The following PDGFRA variants were observed in gnomAD, a reference collection of about 807,000 sequenced individuals.
PDGFRA encodes platelet derived growth factor receptor alpha, also known as platelet-derived growth factor receptor alpha.
A neutral mutation model predicts 121.5 loss-of-function variants in PDGFRA; 25 were observed. The ratio of observed to expected loss-of-function variants is 0.21; its 90% CI spans 0.15 to 0.29. The LOEUF (loss-of-function observed/expected upper bound fraction) is 0.29. Among genes scored for constraint, PDGFRA ranks in the 10% least tolerant of loss-of-function variants. The probability of loss-of-function intolerance (pLI) is 1.00; values close to 1 mark genes in which losing one functional copy is unlikely to be tolerated. For missense variants in PDGFRA, 1,008 were observed against 1,345.1 expected (o/e 0.75, Z 3.92); for synonymous variants, 463 against 494.8 (o/e 0.94, Z 0.85).
rs185650699 is a variant in PDGFRA, at chr4:54,244,680, C to T, written c.-12-14077C>T. Among the ~76,000 whole-genome samples the T allele has an allele frequency of 1.0e-3, 155 of 152,350 alleles. 1 individual carries two copies. Among genetic ancestry groups the T allele is most frequent in the Non-Finnish European group, 1.6e-3 (108 of 68,042 alleles). ...GAGCGCCTCTCCTCCTCCAGAGGAACGCAGCTCCTCACCAGCAATGGAACA... is the reference window on the plus strand; with the variant it reads ...GAGCGCCTCTCCTCCTCCAGAGGAATGCAGCTCCTCACCAGCAATGGAACA... On this transcript the variant is annotated intron_variant, in intron 1 of 22. Transcript: ENST00000257290.
intron 1 of PDGFRA, among the ~76,000 whole-genome samples, chr4:54,233,545 C>A (rs1335001934): frequency 3.3e-5 from 5 of 152,232 alleles, no homozygotes; most frequent in Admixed American, 2.0e-4. Flanking sequence ...TGGAGCGCAG[C>A]GCTGGAACCC....
chr4:54,268,172 C>A (rs28528897), intron 7 of PDGFRA, among the ~76,000 whole-genome samples: 2 of 152,102 alleles, frequency 1.3e-5, no homozygotes, highest in African/African-American at 4.8e-5. Context: ...ATCTGGAACC[C>A]ATTTGCCCTA....
At chr4:54,264,851 AC>A (rs1722943673) in intron 4 of PDGFRA, 67 bp from the exon 5 acceptor site, 14 of 1,387,624 alleles carry the variant, frequency 1.0e-5, no homozygotes, top group African/African-American at 3.0e-5. Context: ...AAAAAAAAAA[AC>A]CCAAACTTTA....
chr4:54,229,666 T>C (rs541259546), intron 1 of PDGFRA, among the ~76,000 whole-genome samples: 1 of 152,278 alleles, frequency 6.6e-6, no homozygotes, highest in African/African-American at 2.4e-5. Flanking sequence ...GACCTATTTT[T>C]AAAAACAATG....
At position 54,290,430 on chromosome 4, in the gene PDGFRA, C is replaced by T; in HGVS notation, c.2998C>T (p.Leu1000=). ...GVTYKNEEDK[L]KDWEGGLDEQ... ...CACCTACAAAAACGAGGAAGACAAG[C>T]TGAAGGACTGGGAGGGTGGTCTGGA... Residue 1000 remains leucine (L), a synonymous_variant, in exon 22 of 23, where the codon CTG becomes TTG. Coordinates refer to ENST00000257290, the MANE Select transcript of PDGFRA (RefSeq NM_006206.6). 1 of 1,614,086 alleles carries T rather than the reference C, an allele frequency of 6.2e-7. No homozygotes were observed. Among genetic ancestry groups the T allele is most frequent in the Non-Finnish European group, 8.5e-7 (1 of 1,179,922 alleles).
In PDGFRA at chr4:54,277,583, A is replaced by G. The variant is rs180982545; in HGVS notation, c.1891+91A>G. On this transcript the variant is annotated intron_variant, in intron 13 of 22. Coordinates refer to ENST00000257290, the MANE Select transcript of PDGFRA (RefSeq NM_006206.6). ...ATTTCTCAAAATCATGCAGCTAGTA[A>G]ATAAGACATTTAGGACTAGGTCCTG... is the stretch of plus-strand genomic sequence containing the variant. The G allele has an allele frequency of 1.0e-4, 87 of 861,704 alleles. 1 individual carries two copies. In the East Asian group the frequency reaches 1.9e-3, roughly 19 times the overall value. The allele number at this position is 861,704 out of a possible 1,614,324, so 53.4% of individuals were successfully genotyped here.
chr4:54,236,718 G>A (rs542007299), intron 1 of PDGFRA, among the ~76,000 whole-genome samples: 6 of 152,128 alleles, frequency 3.9e-5, no homozygotes, highest in African/African-American at 1.4e-4. Context: ...CAGGAGAATC[G>A]CTTGAACTTG....
At chr4:54,278,844 G>A (rs766213006) in intron 15 of PDGFRA, 12 of 496,112 alleles carry the variant, frequency 2.4e-5, no homozygotes, top group South Asian at 1.8e-4. Flanking sequence ...CTTGAGTTCT[G>A]GAACCTTGCA....
chr4:54,264,082 T>A, intron 4 of PDGFRA, 155 bp downstream of exon 4: 1 of 672,358 alleles, frequency 1.5e-6, no homozygotes, highest in Non-Finnish European at 2.5e-6. Flanking sequence ...TGTCTGTGGC[T>A]ATAATAATAA....
rs1290215124 is a variant in PDGFRA, at chr4:54,297,091, G to A, written c.*1819G>A. Reference sequence around the variant, plus strand: ...TGTGTAACCAGCTCAGTGTTTTGGTGGAAAAAACATTTTAAGTTTTACTGA... The same window carrying A: ...TGTGTAACCAGCTCAGTGTTTTGGTAGAAAAAACATTTTAAGTTTTACTGA... On this transcript the variant is annotated 3_prime_UTR_variant, in exon 23 of 23. Transcript: ENST00000257290. 8.6e-6 allele frequency: 2 copies of A among 233,024 alleles called. No individual in the cohort carries two copies. The highest frequency in any genetic ancestry group is 4.4e-5 in the African/African-American group (2 of 45,306). 14.4% of individuals were successfully genotyped at this position (233,024 alleles called of 1,614,324 possible).
At chr4:54,287,750 G>T (rs954923496) in intron 19 of PDGFRA, among the ~76,000 whole-genome samples, 2 of 152,114 alleles carry the variant, frequency 1.3e-5, no homozygotes, top group African/African-American at 4.8e-5. Context: ...TGGGGGTTGC[G>T]TCTTACTCCT....
chr4:54,231,993 C>T (rs1003439616), intron 1 of PDGFRA, among the ~76,000 whole-genome samples: 1 of 152,226 alleles, frequency 6.6e-6, no homozygotes, highest in African/African-American at 2.4e-5. Flanking sequence ...TGGGGACGGA[C>T]CGTGGGCGGC....
intron 7 of PDGFRA, among the ~76,000 whole-genome samples, chr4:54,269,288 C>A (rs890787255): frequency 6.6e-6 from 1 of 152,120 alleles, no homozygotes; most frequent in Non-Finnish European, 1.5e-5. Flanking sequence ...TTCACACATA[C>A]AATCTCCTTT....
chr4:54,287,198 A>G (rs1455499573), intron 18 of PDGFRA, among the ~76,000 whole-genome samples: 1 of 152,200 alleles, frequency 6.6e-6, no homozygotes, highest in East Asian at 1.9e-4. Context: ...CCTTTGGAGG[A>G]CATAAAAGGC....
At chr4:54,234,383 G>T (rs1217868281) in intron 1 of PDGFRA, among the ~76,000 whole-genome samples, 4 of 152,226 alleles carry the variant, frequency 2.6e-5, no homozygotes, top group Non-Finnish European at 5.9e-5. Context: ...TCGCAGCGGC[G>T]TCTGTGTCGC....
Position 54,261,131 on chromosome 4 carries a change from C to T in PDGFRA, c.86C>T (p.Ser29Phe), listed in dbSNP as rs587778600. The T allele has an allele frequency of 1.2e-6, 2 of 1,614,188 alleles. No individual in the cohort carries two copies. Among genetic ancestry groups the T allele is most frequent in the Non-Finnish European group, 1.7e-6 (2 of 1,180,034 alleles). The change falls in exon 3 of 23, where the codon TCT becomes TTT. Residue 29 changes from serine (S) to phenylalanine (F), a missense_variant. Physicochemically the swap from Ser to Phe is radical, Grantham distance 155 (BLOSUM62 -2). Transcript: ENST00000257290. Reference sequence around the variant, plus strand: ...ATCCTCTGCCAGCTTTCATTACCCTCTATCCTTCCAAATGAAAATGAAAAG... The same window carrying T: ...ATCCTCTGCCAGCTTTCATTACCCTTTATCCTTCCAAATGAAAATGAAAAG... Reference protein sequence around the residue: ...SLILCQLSLPSILPNENEKVV... With the variant: ...SLILCQLSLPFILPNENEKVV...
At chr4:54,247,569 T>C (rs1721763471) in intron 1 of PDGFRA, among the ~76,000 whole-genome samples, 1 of 151,702 alleles carries the variant, frequency 6.6e-6, no homozygotes, top group African/African-American at 2.4e-5. Flanking sequence ...ATGGGACGTA[T>C]CTCAAAATAA....
rs183976856 is a variant in PDGFRA at position 54,243,825 on chromosome 4, G to A, written c.-13+14410G>A. On this transcript the variant is annotated intron_variant, in intron 1 of 22. Transcript: ENST00000257290. The stretch of plus-strand genomic sequence containing the variant: ...CCCTTTCCTAGTCAAAGAAAGGGGT[G>A]ACAGACGGCACCTGGAAAATCGGGT... Among the ~76,000 whole-genome samples the A allele has an allele frequency of 3.5e-3, 536 of 152,336 alleles. 3 individuals carry two copies. The highest frequency in any genetic ancestry group is 0.012 in the African/African-American group (510 of 41,582).
rs1027177229 is a variant in PDGFRA at position 54,243,072 on chromosome 4, G to GA, written c.-13+13665dup. Among the ~76,000 whole-genome samples the GA allele has an allele frequency of 4.6e-4, 70 of 151,974 alleles. 1 individual carries two copies. Among genetic ancestry groups the GA allele is most frequent in the South Asian group, 3.1e-3 (15 of 4,810 alleles). On this transcript the variant is annotated intron_variant, in intron 1 of 22. Coordinates refer to ENST00000257290, the MANE Select transcript of PDGFRA (RefSeq NM_006206.6). ...TACTTCTTTCTTCTCACATTTAAAT[G>GA]AAAAAAAAGCATGCTCTTGGGCATC...
Sources: allele counts gnomAD v4.1 joint callset (sites outside exome capture counted in the v4.1 genomes callset), GRCh38; gene constraint gnomAD v4.1.1; transcripts MANE v1.5; gene names NCBI Gene and HGNC (gene_info 2026-07-23, HGNC 2026-07-21).